Variants in SNCAIP observed in about 807,000 individuals in gnomAD.
SNCAIP encodes synphilin-1.
Under a neutral mutation model 86.7 loss-of-function variants are expected in SNCAIP, and 43 were observed. The observed-to-expected ratio is 0.50, with a 90% confidence interval of 0.39 to 0.64. The LOEUF (loss-of-function observed/expected upper bound fraction) is 0.64. SNCAIP is among the 30% of genes least tolerant of loss of function. The pLI is 0.00. For missense variants in SNCAIP, 981 were observed against 1,103.1 expected, an observed-to-expected ratio of 0.89 and a Z score of 1.57; for synonymous variants, 417 against 427.2, an observed-to-expected ratio of 0.98 and a Z score of 0.29.
At chr5:122,376,432 C>T (rs1765343784) in intron 1 of SNCAIP, among the ~76,000 whole-genome samples, 1 of 152,156 alleles carries the variant, frequency 6.6e-6, no homozygotes, top group Non-Finnish European at 1.5e-5. Flanking sequence ...GTAAGGGCTC[C>T]AGTTCCCAGA....
At chr5:122,418,656 A>G (rs1417340384) in intron 3 of SNCAIP, among the ~76,000 whole-genome samples, 1 of 152,244 alleles carries the variant, frequency 6.6e-6, no homozygotes, top group Non-Finnish European at 1.5e-5. Context: ...TAGCACCAAA[A>G]TGAGTCTCCT....
intron 10 of SNCAIP, among the ~76,000 whole-genome samples, chr5:122,455,506 G>C (rs922321697): frequency 6.6e-5 from 10 of 152,218 alleles, no homozygotes; most frequent in African/African-American, 2.4e-4. Context: ...GGGATGCACA[G>C]AGTAGTATGA....
intron 8 of SNCAIP, among the ~76,000 whole-genome samples, chr5:122,449,141 G>A (rs561218725): frequency 2.6e-5 from 4 of 152,208 alleles, no homozygotes; most frequent in East Asian, 1.9e-4. Context: ...GTAGAACATC[G>A]TATCCTAGCC....
intron 5 of SNCAIP, among the ~76,000 whole-genome samples, chr5:122,426,273 A>G (rs1041594688): frequency 1.2e-4 from 19 of 152,202 alleles, no homozygotes; most frequent in African/African-American, 4.6e-4. Context: ...AATATAATAC[A>G]TCTTGTATTT....
intron 3 of SNCAIP, among the ~76,000 whole-genome samples, chr5:122,408,542 T>G (rs1457254161): frequency 1.3e-5 from 2 of 152,202 alleles, no homozygotes; most frequent in Non-Finnish European, 2.9e-5. Flanking sequence ...GCTAGAAGCT[T>G]TGATTCCTAT....
chr5:122,359,388 G>C (rs1282287127), intron 1 of SNCAIP, among the ~76,000 whole-genome samples: 2 of 28,428 alleles, frequency 7.0e-5, no homozygotes, highest in South Asian at 8.9e-4. Flanking sequence ...TTTTGAGACA[G>C]AGTCTTGCTC....
chr5:122,442,112 CTTTTTTT>C (rs10688988), intron 7 of SNCAIP, among the ~76,000 whole-genome samples: 2 of 65,732 alleles, frequency 3.0e-5, no homozygotes, highest in Admixed American at 2.2e-4. Context: ...AAGCAGTACT[CTTTTTTT>C]TTTTTTTTTT....
At chr5:122,412,815 C>T (rs1053963232) in intron 3 of SNCAIP, among the ~76,000 whole-genome samples, 20 of 152,244 alleles carry the variant, frequency 1.3e-4, no homozygotes, top group Non-Finnish European at 2.8e-4. Flanking sequence ...CCTCAGTGAA[C>T]TGCACTCTGC....
intron 3 of SNCAIP, among the ~76,000 whole-genome samples, chr5:122,422,228 T>G (rs965870402): frequency 6.6e-6 from 1 of 152,062 alleles, no homozygotes; most frequent in African/African-American, 2.4e-5. Context: ...TTGACCAAGG[T>G]GGGGTTAACT....
chr5:122,441,987 T>C (rs1035312333), intron 7 of SNCAIP, among the ~76,000 whole-genome samples: 2 of 152,260 alleles, frequency 1.3e-5, no homozygotes, highest in Admixed American at 6.5e-5. Context: ...GATAGGGAAA[T>C]TGACAACATA....
rs766091614 is a variant in SNCAIP, at chr5:122,423,240, T to A, written c.503T>A (p.Phe168Tyr). 1.9e-6 allele frequency: 3 copies of A among 1,614,076 alleles called. No homozygotes were observed. The East Asian group carries it at 6.7e-5, about 36-fold the overall frequency. The change falls in exon 4 of 11, where the codon TTT becomes TAT. Residue 168 changes from phenylalanine (F) to tyrosine (Y), a missense_variant. Transcript: ENST00000261368. The stretch of plus-strand genomic sequence containing the variant: ...AAATCCAGTCAGCAGCTTGCCTCTT[T>A]TACCAAGGTGACTTCAGAAAAAAGA... Reference protein sequence around the residue: ...YIKSSQQLASFTKVTSEKRIL... With the variant: ...YIKSSQQLASYTKVTSEKRIL...
chr5:122,429,607 C>T (rs304382), intron 5 of SNCAIP, among the ~76,000 whole-genome samples: 50,043 of 147,166 alleles, frequency 0.34, 8,703 homozygotes, highest in African/African-American at 0.38. Flanking sequence ...CTTCTTTTAG[C>T]GGGAATGAAG....
intron 7 of SNCAIP, chr5:122,444,304 T>G (rs1027827436): frequency 5.5e-6 from 3 of 543,434 alleles, no homozygotes; most frequent in African/African-American, 3.8e-5. Flanking sequence ...CTGCACTGCA[T>G]ATCTCATAAA....
At chr5:122,444,798 C>A in intron 8 of SNCAIP, 66 bp downstream of exon 8, 1 of 1,319,404 alleles carries the variant, frequency 7.6e-7, no homozygotes, top group East Asian at 2.3e-5. Context: ...AGGCTTCAGC[C>A]CCATGCTGTG....
At chr5:122,349,253 A>G (rs1759284424) in intron 1 of SNCAIP, among the ~76,000 whole-genome samples, 1 of 152,156 alleles carries the variant, frequency 6.6e-6, no homozygotes, top group Admixed American at 6.5e-5. Flanking sequence ...TTGCCTGAGG[A>G]GTGTTTTTAA....
intron 1 of SNCAIP, among the ~76,000 whole-genome samples, chr5:122,342,229 A>G (rs1757739598): frequency 6.6e-6 from 1 of 151,930 alleles, no homozygotes. Flanking sequence ...TTGTCTTGTC[A>G]CCCGAGTACT....
In SNCAIP at chr5:122,422,394, T is replaced by C. The variant is rs574892321; in HGVS notation, c.131-474T>C. On this transcript the variant is annotated intron_variant, in intron 3 of 10. Transcript: ENST00000261368. ...TTAAATAATTTGCCACTTCTTTTCA[T>C]GGGACTTCTTGTGCATTAGGGGTGT... 6.6e-5 allele frequency among the ~76,000 whole-genome samples: 10 copies of C among 152,354 alleles called. No homozygotes were observed. The South Asian group carries it at 2.1e-3, about 32-fold the overall frequency.
intron 5 of SNCAIP, among the ~76,000 whole-genome samples, chr5:122,425,755 T>C (rs920139712): frequency 5.9e-5 from 9 of 152,156 alleles, no homozygotes; most frequent in Non-Finnish European, 1.2e-4. Flanking sequence ...GAAAGGAAAA[T>C]GATATGTTGT....
intron 10 of SNCAIP, among the ~76,000 whole-genome samples, chr5:122,455,984 C>T (rs1784655258): frequency 6.6e-6 from 1 of 152,192 alleles, no homozygotes; most frequent in Non-Finnish European, 1.5e-5. Context: ...TTTGCAATTA[C>T]TTGTCTTAAA....
Sources: allele counts gnomAD v4.1 joint callset (sites outside exome capture counted in the v4.1 genomes callset), GRCh38; gene constraint gnomAD v4.1.1; transcripts MANE v1.5; gene names NCBI Gene and HGNC (gene_info 2026-07-23, HGNC 2026-07-21).